GAB2: variants seen among roughly 807,000 people sequenced by gnomAD.
GAB2 encodes GRB2-associated-binding protein 2.
In GAB2, 26 loss-of-function variants were observed where a neutral mutation model predicts 65.5. The ratio of observed to expected loss-of-function variants is 0.40; its 90% CI spans 0.29 to 0.55. The LOEUF is 0.55. Ranked by LOEUF, GAB2 falls within the 20% of genes least tolerant of loss-of-function variation. The probability of loss-of-function intolerance (pLI) is 0.53; values close to 1 mark genes in which losing one functional copy is unlikely to be tolerated. For missense variants in GAB2, 884 were observed against 875.8 expected, an observed-to-expected ratio of 1.01 and a Z score of -0.12; for synonymous variants, 321 against 329.6, an observed-to-expected ratio of 0.97 and a Z score of 0.28.
At chr11:78,294,337 C>G (rs961335723) in intron 1 of GAB2, among the ~76,000 whole-genome samples, 1 of 152,162 alleles carries the variant, frequency 6.6e-6, no homozygotes, top group Non-Finnish European at 1.5e-5. Context: ...TGGGTTGGTT[C>G]CAAGTCTTTA....
At chr11:78,252,916 T>C (rs1865495024) in intron 2 of GAB2, among the ~76,000 whole-genome samples, 1 of 152,080 alleles carries the variant, frequency 6.6e-6, no homozygotes, top group Non-Finnish European at 1.5e-5. Flanking sequence ...ATGACTCTTC[T>C]GTTTCTCAGC....
chr11:78,356,233 A>G (rs553708094), intron 1 of GAB2, among the ~76,000 whole-genome samples: 9 of 151,794 alleles, frequency 5.9e-5, no homozygotes, highest in Non-Finnish European at 1.2e-4. Context: ...TAGAAATTAG[A>G]CCCCTTCAGC....
At chr11:78,247,238 C>T (rs980980788) in intron 3 of GAB2, among the ~76,000 whole-genome samples, 3 of 152,254 alleles carry the variant, frequency 2.0e-5, no homozygotes, top group African/African-American at 7.2e-5. Context: ...ATTTATTTTT[C>T]AGAGTCTTTG....
Position 78,216,468 on chromosome 11 carries a change from T to C in GAB2, c.*2804A>G, listed in dbSNP as rs1338542525. The C allele has an allele frequency of 3.3e-5, 5 of 152,158 alleles. No individual in the cohort carries two copies. The highest frequency in any genetic ancestry group is 7.2e-5 in the African/African-American group (3 of 41,434). The allele number at this position is 152,158 out of a possible 1,614,324, so 9.4% of individuals were successfully genotyped here. On this transcript the variant is annotated 3_prime_UTR_variant, in exon 10 of 10. Coordinates refer to ENST00000361507, the MANE Select transcript of GAB2 (RefSeq NM_080491.3). ...AGGGTGGGGATATGCTAGATACGGC[T>C]GGTAGTTTGGGGCCTGTGAGCCAGA...
intron 1 of GAB2, among the ~76,000 whole-genome samples, chr11:78,329,399 T>A (rs1478899760): frequency 6.6e-6 from 1 of 152,196 alleles, no homozygotes; most frequent in Non-Finnish European, 1.5e-5. Context: ...TTTATGTATC[T>A]CTCATCTGTG....
intron 1 of GAB2, among the ~76,000 whole-genome samples, chr11:78,382,823 A>C (rs919484275): frequency 6.6e-6 from 1 of 152,236 alleles, no homozygotes; most frequent in Non-Finnish European, 1.5e-5. Flanking sequence ...TTTGTTACTA[A>C]AACAAGGAAC....
chr11:78,393,109 T>C lies in GAB2; in HGVS notation c.75+24537A>G, dbSNP rs145868964. On this transcript the variant is annotated intron_variant, in intron 1 of 9. Transcript: ENST00000361507. Reference sequence around the variant, plus strand: ...TCTCCTTCAGGAGGATATCAGGAAGTATCACAAACCATGTGACATTTGAGG... The same window carrying C: ...TCTCCTTCAGGAGGATATCAGGAAGCATCACAAACCATGTGACATTTGAGG... 2.2e-3 allele frequency among the ~76,000 whole-genome samples: 331 copies of C among 152,274 alleles called. 1 individual carries two copies. The highest frequency in any genetic ancestry group is 7.4e-3 in the African/African-American group (306 of 41,552).
chr11:78,368,686 C>T (rs1427453292), intron 1 of GAB2, among the ~76,000 whole-genome samples: 3 of 151,718 alleles, frequency 2.0e-5, no homozygotes, highest in Admixed American at 6.6e-5. Flanking sequence ...AACAGAACTA[C>T]ACAGCATGTT....
At chr11:78,244,037 C>G (rs1471180230) in intron 3 of GAB2, among the ~76,000 whole-genome samples, 2 of 151,574 alleles carry the variant, frequency 1.3e-5, no homozygotes, top group Non-Finnish European at 2.9e-5. Flanking sequence ...AAAGCAAAAA[C>G]AAAAAAGGGC....
At chr11:78,342,962 G>C (rs973560920) in intron 1 of GAB2, among the ~76,000 whole-genome samples, 1 of 152,152 alleles carries the variant, frequency 6.6e-6, no homozygotes, top group African/African-American at 2.4e-5. Flanking sequence ...GAAAAGTTTA[G>C]TGATTCAGAA....
rs780804195 is a variant in GAB2 at position 78,226,729 on chromosome 11, C to T, written c.943G>A (p.Asp315Asn). Residue 315 changes from aspartate (D) to asparagine (N), a missense_variant, in exon 4 of 10, where the codon GAT becomes AAT. Asp to Asn is a conservative substitution (Grantham distance 23). Transcript: ENST00000361507. The stretch of plus-strand genomic sequence containing the variant: ...GCTGAGAGTGGGGTGGCCGGAACAT[C>T]CATATTGTCTACCAGGAGGTCCCCG... The part of the protein sequence containing the change: ...EFGDLLVDNM[D>N]VPATPLSAYQ... 3.1e-6 allele frequency: 5 copies of T among 1,613,980 alleles called. No individual in the cohort carries two copies. The highest frequency in any genetic ancestry group is 4.2e-6 in the Non-Finnish European group (5 of 1,179,948).
At chr11:78,314,110 C>G (rs1405589793) in intron 1 of GAB2, among the ~76,000 whole-genome samples, 4 of 152,174 alleles carry the variant, frequency 2.6e-5, no homozygotes, top group African/African-American at 9.7e-5. Flanking sequence ...GTAAAGGAAC[C>G]ATTCACTGAG....
At chr11:78,278,181 TGCCTCA>T (rs1866228216) in intron 2 of GAB2, among the ~76,000 whole-genome samples, 1 of 151,692 alleles carries the variant, frequency 6.6e-6, no homozygotes, top group Non-Finnish European at 1.5e-5. Flanking sequence ...GCGATTCTTC[TGCCTCA>T]GCCTCCCAAG....
chr11:78,370,395 T>G (rs1189423162), intron 1 of GAB2, among the ~76,000 whole-genome samples: 2 of 152,222 alleles, frequency 1.3e-5, no homozygotes, highest in African/African-American at 4.8e-5. Context: ...ACCTGATTTA[T>G]GCTAAGTGAA....
intron 2 of GAB2, among the ~76,000 whole-genome samples, chr11:78,258,629 G>A (rs182427843): frequency 1.6e-3 from 237 of 150,160 alleles, no homozygotes; most frequent in Admixed American, 4.0e-3. Flanking sequence ...ACAAGATCGC[G>A]CACTGTTGTC....
At chr11:78,274,848 G>C (rs181943201) in intron 2 of GAB2, among the ~76,000 whole-genome samples, 1 of 152,280 alleles carries the variant, frequency 6.6e-6, no homozygotes, top group East Asian at 1.9e-4. Context: ...TCTGGCAGAT[G>C]CTTATATTCC....
Position 78,250,245 on chromosome 11 carries a change from T to G in GAB2, c.532A>C (p.Asn178His). The G allele has an allele frequency of 6.2e-7, 1 of 1,612,970 alleles. No individual in the cohort carries two copies. Among genetic ancestry groups the G allele is most frequent in the South Asian group, 1.1e-5 (1 of 90,940 alleles). Reference protein sequence around the residue: ...TLFTFEPPVSNHMQPTLSTSA... With the variant: ...TLFTFEPPVSHHMQPTLSTSA... ...GTGGACAAGGTGGGCTGCATGTGGT[T>G]TGACACAGGGGGTTCAAACGTGAAC... Residue 178 changes from asparagine (N) to histidine (H), a missense_variant, in exon 3 of 10, where the codon AAC becomes CAC. Transcript: ENST00000361507.
intron 1 of GAB2, chr11:78,324,810 G>C (rs2458640): frequency 6.6e-6 from 1 of 152,052 alleles, no homozygotes; most frequent in Non-Finnish European, 1.5e-5. Context: ...TTATGCCTCT[G>C]GATAAAACTC....
chr11:78,346,410 T>A (rs1856179334), intron 1 of GAB2, among the ~76,000 whole-genome samples: 1 of 151,836 alleles, frequency 6.6e-6, no homozygotes, highest in South Asian at 2.1e-4. Flanking sequence ...AGAAACTGAG[T>A]AACAAACCCA....
Sources: allele counts gnomAD v4.1 joint callset (sites outside exome capture counted in the v4.1 genomes callset), GRCh38; gene constraint gnomAD v4.1.1; transcripts MANE v1.5; gene names NCBI Gene and HGNC (gene_info 2026-07-23, HGNC 2026-07-21).